ITIH5: variants seen among roughly 807,000 people sequenced by gnomAD.
The protein encoded by ITIH5 is inter-alpha-trypsin inhibitor heavy chain H5.
A neutral mutation model predicts 77.5 loss-of-function variants in ITIH5; 65 were observed. That is an observed-to-expected ratio of 0.84 (90% CI 0.69 to 1.03). The LOEUF (loss-of-function observed/expected upper bound fraction) is 1.03. Among genes scored for constraint, ITIH5 ranks in the 50% least tolerant of loss-of-function variants. The probability of loss-of-function intolerance (pLI) is 0.00; values close to 1 mark genes in which losing one functional copy is unlikely to be tolerated. For missense variants in ITIH5, 1,208 were observed against 1,213.1 expected, an observed-to-expected ratio of 1.00 and a Z score of 0.06; for synonymous variants, 525 against 494.3, an observed-to-expected ratio of 1.06 and a Z score of -0.82.
intron 10 of ITIH5, 26 bp from the exon 11 acceptor site, chr10:7,573,221 C>T (rs1396006869): frequency 6.3e-7 from 1 of 1,593,262 alleles, no homozygotes; most frequent in Non-Finnish European, 8.6e-7. Context: ...AAGAGAACAT[C>T]ATGGTCATTC....
At chr10:7,623,663 C>T (rs1266717248) in intron 5 of ITIH5, among the ~76,000 whole-genome samples, 6 of 151,934 alleles carry the variant, frequency 3.9e-5, no homozygotes, top group Non-Finnish European at 7.4e-5. Flanking sequence ...AATAGCCAGG[C>T]GTGGTGGCAG....
chr10:7,572,000 T>C, intron 11 of ITIH5: 1 of 1,005,948 alleles, frequency 9.9e-7, no homozygotes, highest in Non-Finnish European at 1.2e-6. Flanking sequence ...ACTCAAATTG[T>C]CCAAATTTCT....
At chr10:7,619,643 G>A (rs1432248174) in intron 5 of ITIH5, 4 of 356,702 alleles carry the variant, frequency 1.1e-5, no homozygotes, top group Non-Finnish European at 2.3e-5. Flanking sequence ...AACGCAAAGC[G>A]AACACGTCTA....
At chr10:7,598,510 G>A (rs533667022) in intron 7 of ITIH5, among the ~76,000 whole-genome samples, 5 of 152,146 alleles carry the variant, frequency 3.3e-5, no homozygotes, top group Admixed American at 1.3e-4. Flanking sequence ...CAAGAAAAGC[G>A]TATTTCTTCA....
chr10:7,579,899 T>C lies in ITIH5; in HGVS notation c.1274A>G (p.Glu425Gly), dbSNP rs775559771. ...GATGCAGACTTGGCCTCGGGCGGCCTCTCGGGTGTTGTTGAGGATCTTGAG... is the reference window on the plus strand; with the variant it reads ...GATGCAGACTTGGCCTCGGGCGGCCCCTCGGGTGTTGTTGAGGATCTTGAG... ...HTLKILNNTR[E>G]AARGQVCIFT... is the part of the protein sequence containing the mutation. Residue 425 changes from glutamate to glycine, a missense_variant, in exon 9 of 14, where the codon GAG becomes GGG. Coordinates refer to ENST00000397146, the MANE Select transcript of ITIH5 (RefSeq NM_030569.7). 2.0e-5 allele frequency: 33 copies of C among 1,614,092 alleles called. 1 individual carries two copies. The South Asian group carries it at 2.7e-4, about 13-fold the overall frequency.
chr10:7,602,681 C>T (rs893018996), intron 7 of ITIH5, among the ~76,000 whole-genome samples: 6 of 152,272 alleles, frequency 3.9e-5, no homozygotes, highest in Middle Eastern at 3.4e-3. Flanking sequence ...TACTCAGTCT[C>T]GGGTATTTCT....
chr10:7,659,807 G>A (rs1163549389), intron 1 of ITIH5, among the ~76,000 whole-genome samples: 3 of 152,132 alleles, frequency 2.0e-5, no homozygotes, highest in African/African-American at 7.2e-5. Flanking sequence ...AAACTTCCCA[G>A]TACACGTACA....
intron 5 of ITIH5, among the ~76,000 whole-genome samples, chr10:7,633,094 C>T (rs538693659): frequency 2.0e-5 from 3 of 152,228 alleles, no homozygotes; most frequent in East Asian, 1.9e-4. Context: ...TTCAGGAAAG[C>T]GTTCATTTCA....
intron 1 of ITIH5, among the ~76,000 whole-genome samples, chr10:7,656,098 T>A (rs1212966668): frequency 6.6e-6 from 1 of 152,228 alleles, no homozygotes; most frequent in African/African-American, 2.4e-5. Context: ...ACTATTCAAC[T>A]TAAAACTCCA....
chr10:7,664,440 T>C lies in ITIH5; in HGVS notation c.90+2363A>G, dbSNP rs984204674. ...ACTAAAATGTGTTCCATGGACCACC[T>C]GCATCAGAATCATCTGCGCCCCATC... On this transcript the variant is annotated intron_variant, in intron 1 of 13. Transcript: ENST00000397146. Among the ~76,000 whole-genome samples, 45 of 149,632 alleles carry C rather than the reference T, an allele frequency of 3.0e-4. 1 individual carries two copies. Among genetic ancestry groups the C allele is most frequent in the Admixed American group, 1.1e-3 (16 of 14,976 alleles).
intron 7 of ITIH5, among the ~76,000 whole-genome samples, chr10:7,597,636 G>T (rs4749054): frequency 2.6e-5 from 3 of 114,600 alleles, no homozygotes; most frequent in Admixed American, 8.9e-5. Context: ...CTGTACCCCA[G>T]AGACACCCGT....
intron 2 of ITIH5, among the ~76,000 whole-genome samples, chr10:7,649,357 T>C (rs1379874670): frequency 6.6e-6 from 1 of 152,158 alleles, no homozygotes; most frequent in Admixed American, 6.6e-5. Flanking sequence ...AGAGTTTCTA[T>C]TTAGATCATG....
chr10:7,597,198 T>C (rs1187923148), intron 7 of ITIH5, among the ~76,000 whole-genome samples: 4 of 152,044 alleles, frequency 2.6e-5, no homozygotes, highest in Non-Finnish European at 5.9e-5. Flanking sequence ...AGACAAGCTG[T>C]AGTGACAAGT....
At chr10:7,613,564 G>C (rs1833300486) in intron 7 of ITIH5, among the ~76,000 whole-genome samples, 1 of 152,056 alleles carries the variant, frequency 6.6e-6, no homozygotes, top group African/African-American at 2.4e-5. Flanking sequence ...GAGGAGATTT[G>C]AAAAAGAACT....
intron 7 of ITIH5, among the ~76,000 whole-genome samples, chr10:7,589,637 CTG>C (rs1832752627): frequency 6.6e-6 from 1 of 152,014 alleles, no homozygotes; most frequent in Non-Finnish European, 1.5e-5. Flanking sequence ...CCACTATTCT[CTG>C]TTCTCTCCTC....
At chr10:7,644,382 TATATCACATATATCAC>T (rs1564277221) in intron 2 of ITIH5, among the ~76,000 whole-genome samples, 6 of 120,228 alleles carry the variant, frequency 5.0e-5, no homozygotes, top group East Asian at 2.6e-4. Context: ...ATATATCACA[TATATCACATATATCAC>T]ATATATCACA....
intron 2 of ITIH5, among the ~76,000 whole-genome samples, chr10:7,646,812 C>T (rs990063417): frequency 3.3e-5 from 5 of 152,128 alleles, no homozygotes. Context: ...TAGGCTTTAC[C>T]GGTCACCTGG....
chr10:7,662,720 G>A (rs1311916272), intron 1 of ITIH5, among the ~76,000 whole-genome samples: 4 of 152,082 alleles, frequency 2.6e-5, no homozygotes, highest in Non-Finnish European at 5.9e-5. Context: ...TGGCTGCTTT[G>A]GGAGTGACCA....
chr10:7,600,208 G>A (rs1392095490), intron 7 of ITIH5, among the ~76,000 whole-genome samples: 1 of 152,114 alleles, frequency 6.6e-6, no homozygotes, highest in East Asian at 1.9e-4. Context: ...TCATAAAGGG[G>A]GTAGGTTGGC....
Sources: allele counts gnomAD v4.1 joint callset (sites outside exome capture counted in the v4.1 genomes callset), GRCh38; gene constraint gnomAD v4.1.1; transcripts MANE v1.5; gene names NCBI Gene and HGNC (gene_info 2026-07-23, HGNC 2026-07-21).